Variants in GALNT18 observed in about 807,000 individuals in gnomAD.
GALNT18 encodes GalNAc-transferase 18.
Under a neutral mutation model 69.5 loss-of-function variants are expected in GALNT18, and 44 were observed. The ratio of observed to expected loss-of-function variants is 0.63; its 90% CI spans 0.50 to 0.81. GALNT18 has a LOEUF of 0.81. Among genes scored for constraint, GALNT18 ranks in the 40% least tolerant of loss-of-function variants. The pLI is 0.00. For missense variants in GALNT18, 715 were observed against 810.0 expected, an observed-to-expected ratio of 0.88 and a Z score of 1.42; for synonymous variants, 364 against 318.2, an observed-to-expected ratio of 1.14 and a Z score of -1.53.
chr11:11,490,229 T>TAA (rs1476845503), intron 1 of GALNT18, among the ~76,000 whole-genome samples: 8,088 of 67,940 alleles, frequency 0.12, 148 homozygotes, highest in Middle Eastern at 0.16. Context: ...TCTCTCTCTC[T>TAA]CTCTAACACA....
chr11:11,300,625 G>T (rs958747775), intron 9 of GALNT18, among the ~76,000 whole-genome samples: 1 of 152,126 alleles, frequency 6.6e-6, no homozygotes, highest in South Asian at 2.1e-4. Context: ...AAACTTTTAC[G>T]ATTGGACGGT....
At chr11:11,449,743 T>A (rs907866765) in intron 1 of GALNT18, among the ~76,000 whole-genome samples, 1 of 152,212 alleles carries the variant, frequency 6.6e-6, no homozygotes, top group African/African-American at 2.4e-5. Flanking sequence ...ACGTCCTGGC[T>A]ACATGACCAT....
Position 11,523,598 on chromosome 11 carries a change from A to T in GALNT18, c.236-74662T>A, listed in dbSNP as rs1409444108. Among the ~76,000 whole-genome samples, 1 of 151,970 alleles carries T rather than the reference A, an allele frequency of 6.6e-6. No homozygotes were observed. Among genetic ancestry groups the T allele is most frequent in the Non-Finnish European group, 1.5e-5 (1 of 67,968 alleles). On this transcript the variant is annotated intron_variant, in intron 1 of 10. Coordinates refer to ENST00000227756, the MANE Select transcript of GALNT18 (RefSeq NM_198516.3). This position sits in a 1 kb window ranked among gnomAD's most constrained non-coding sequence, Gnocchi z 4.3. Reference sequence around the variant, plus strand: ...GCCAGGCGTGTTGGTGGGCTCCTGTAGTCCCAGCTACTCGGGAGGCTGAGG... The same window carrying T: ...GCCAGGCGTGTTGGTGGGCTCCTGTTGTCCCAGCTACTCGGGAGGCTGAGG...
chr11:11,290,373 C>G (rs1849275468), intron 10 of GALNT18, among the ~76,000 whole-genome samples: 1 of 152,184 alleles, frequency 6.6e-6, no homozygotes. Context: ...CAATCCCTGC[C>G]AGAGGGGGGC....
intron 3 of GALNT18, among the ~76,000 whole-genome samples, chr11:11,424,461 G>A (rs908247371): frequency 3.9e-5 from 6 of 152,166 alleles, no homozygotes; most frequent in South Asian, 2.1e-4. Flanking sequence ...AGACTTAGCT[G>A]CCTCATCTAT....
In GALNT18 at chr11:11,340,763, GT is replaced by G; in HGVS notation, c.1278+55del. On this transcript the variant is annotated intron_variant, in intron 7 of 10. Transcript: ENST00000227756. The surrounding 1 kb of genome is among the most constrained non-coding windows in gnomAD (Gnocchi z 4.2). ...GAAGAAGGGTTCGGTCCCATATCTT[GT>G]TTTGTTTGTTTTCCACCAATCCCCG... 1 of 1,515,576 alleles carries G rather than the reference GT, an allele frequency of 6.6e-7. No homozygotes were observed. Among genetic ancestry groups the G allele is most frequent in the Non-Finnish European group, 9.0e-7 (1 of 1,116,724 alleles). 93.9% of individuals were successfully genotyped at this position (1,515,576 alleles called of 1,614,324 possible). A position where few individuals can be genotyped will look rare whatever the true frequency, so the allele number is the denominator to read the frequency against.
rs1196901948 is a variant in GALNT18 at position 11,327,147 on chromosome 11, T to C, written c.1451A>G (p.Asp484Gly). ...QNSLKTDLCL[D>G]QGPDTENVPI... ...GACATTCTCTGTATCTGGCCCCTGG[T>C]CAAGACACAAATCAGTCTTCAGAGA... Residue 484 changes from aspartate to glycine, a missense_variant, in exon 9 of 11, where the codon GAC becomes GGC. Transcript: ENST00000227756. 6 of 1,613,918 alleles carry C rather than the reference T, an allele frequency of 3.7e-6. No homozygotes were observed. Among genetic ancestry groups the C allele is most frequent in the Non-Finnish European group, 4.2e-6 (5 of 1,179,932 alleles).
intron 1 of GALNT18, among the ~76,000 whole-genome samples, chr11:11,458,621 G>A (rs567591924): frequency 2.2e-4 from 34 of 152,334 alleles, no homozygotes; most frequent in African/African-American, 8.2e-4. Flanking sequence ...TGTTTGCAGA[G>A]CATCAAAGCC....
At chr11:11,507,015 C>T (rs993064722) in intron 1 of GALNT18, among the ~76,000 whole-genome samples, 1 of 152,230 alleles carries the variant, frequency 6.6e-6, no homozygotes, top group African/African-American at 2.4e-5. Context: ...GAAAGTTACT[C>T]TCTGGCAGAA....
chr11:11,571,150 T>C (rs1028136552), intron 1 of GALNT18, among the ~76,000 whole-genome samples: 4 of 152,184 alleles, frequency 2.6e-5, no homozygotes, highest in African/African-American at 4.8e-5. Flanking sequence ...ATTTTACAGA[T>C]GAAAAAAATC....
chr11:11,473,909 A>T (rs1564967062), intron 1 of GALNT18, among the ~76,000 whole-genome samples: 1 of 152,176 alleles, frequency 6.6e-6, no homozygotes, highest in Non-Finnish European at 1.5e-5. Context: ...TACCAAAAAT[A>T]CAAAAATTAG....
chr11:11,293,652 C>A (rs1169953490), intron 9 of GALNT18, among the ~76,000 whole-genome samples: 1 of 149,360 alleles, frequency 6.7e-6, no homozygotes. Flanking sequence ...AGTGATTCTC[C>A]TGCCTCCGTC....
chr11:11,372,451 C>T lies in GALNT18; in HGVS notation c.1092+64G>A. Reference sequence around the variant, plus strand: ...CTCAACCTTAAACCCCATTTCTCCACCCCCAGACTCATTCACCCTGGTGGG... The same window carrying T: ...CTCAACCTTAAACCCCATTTCTCCATCCCCAGACTCATTCACCCTGGTGGG... On this transcript the variant is annotated intron_variant, in intron 6 of 10. Coordinates refer to ENST00000227756, the MANE Select transcript of GALNT18 (RefSeq NM_198516.3). The surrounding 1 kb of genome is among the most constrained non-coding windows in gnomAD (Gnocchi z 4.9). 2.4e-6 allele frequency: 3 copies of T among 1,269,922 alleles called. No individual in the cohort carries two copies. Among genetic ancestry groups the T allele is most frequent in the Non-Finnish European group, 3.5e-6 (3 of 868,514 alleles). The allele number at this position is 1,269,922 out of a possible 1,614,324, so 78.7% of individuals were successfully genotyped here. A position where few individuals can be genotyped will look rare whatever the true frequency, so the allele number is the denominator to read the frequency against.
intron 6 of GALNT18, among the ~76,000 whole-genome samples, chr11:11,365,548 T>G (rs769982968): frequency 6.6e-6 from 1 of 152,194 alleles, no homozygotes; most frequent in Non-Finnish European, 1.5e-5. Flanking sequence ...TGTTTCTGGT[T>G]GTAAACCCTC....
rs1248956301 is a variant in GALNT18 at position 11,606,003 on chromosome 11, A to T, written c.235+15356T>A. 3.9e-5 allele frequency among the ~76,000 whole-genome samples: 6 copies of T among 152,188 alleles called. No individual in the cohort carries two copies. The highest frequency in any genetic ancestry group is 8.8e-5 in the Non-Finnish European group (6 of 68,032). On this transcript the variant is annotated intron_variant, in intron 1 of 10. Coordinates refer to ENST00000227756, the MANE Select transcript of GALNT18 (RefSeq NM_198516.3). The surrounding 1 kb of genome is among the most constrained non-coding windows in gnomAD (Gnocchi z 5.4). ...TGAGGGGCTATGAGAGAGACCCCAG[A>T]AGCATGAGCGTTCCTGTCCCTGACC...
chr11:11,357,046 C>T (rs183752894), intron 6 of GALNT18, among the ~76,000 whole-genome samples: 4 of 152,192 alleles, frequency 2.6e-5, no homozygotes, highest in Admixed American at 1.3e-4. Context: ...TTCCTGGAGC[C>T]GCTGGGTATG....
At chr11:11,405,053 T>C (rs1854558887) in intron 3 of GALNT18, among the ~76,000 whole-genome samples, 2 of 152,340 alleles carry the variant, frequency 1.3e-5, no homozygotes, top group South Asian at 2.1e-4. Flanking sequence ...AGACACCTTC[T>C]TGTACCTTAG....
At chr11:11,488,040 A>T (rs1161553434) in intron 1 of GALNT18, among the ~76,000 whole-genome samples, 1 of 152,208 alleles carries the variant, frequency 6.6e-6, no homozygotes, top group East Asian at 1.9e-4. Flanking sequence ...ACTATCTATG[A>T]CATTGTGCAA....
chr11:11,279,087 G>GT (rs1849011096), intron 10 of GALNT18, among the ~76,000 whole-genome samples: 1 of 152,034 alleles, frequency 6.6e-6, no homozygotes, highest in Non-Finnish European at 1.5e-5. Context: ...TTGGTGAGAA[G>GT]TGGGCTCTCT....
Sources: gnomAD v4.1 joint callset for allele counts (sites outside exome capture counted in the v4.1 genomes callset) on GRCh38, gnomAD v4.1.1 for gene constraint, Gnocchi (gnomAD v3.1) non-coding constraint, MANE v1.5 for transcripts, NCBI Gene and HGNC (gene_info 2026-07-23, HGNC 2026-07-21) for gene names.